CERS6: variants seen among roughly 807,000 people sequenced by gnomAD.
CERS6 encodes LAG1 homolog, ceramide synthase 6.
Under a neutral mutation model 56.8 loss-of-function variants are expected in CERS6, and 26 were observed. The ratio of observed to expected loss-of-function variants is 0.46; its 90% CI spans 0.34 to 0.63. CERS6 has a LOEUF of 0.63. Ranked by LOEUF, CERS6 falls within the 30% of genes least tolerant of loss-of-function variation. The probability of loss-of-function intolerance (pLI) is 0.01; values close to 1 mark genes in which losing one functional copy is unlikely to be tolerated. For synonymous variants in CERS6, 164 were observed against 173.3 expected (o/e 0.95, Z 0.42); for missense variants, 415 against 467.5 (o/e 0.89, Z 1.04).
chr2:168,616,956 C>A (rs374769695), intron 3 of CERS6, among the ~76,000 whole-genome samples: 4 of 152,150 alleles, frequency 2.6e-5, no homozygotes, highest in Non-Finnish European at 2.9e-5. Flanking sequence ...GCACATGGAA[C>A]CTTCTCCAAG....
intron 1 of CERS6, among the ~76,000 whole-genome samples, chr2:168,510,516 C>T (rs573251893): frequency 3.9e-5 from 6 of 152,152 alleles, no homozygotes; most frequent in Non-Finnish European, 8.8e-5. Context: ...CGATACCTTC[C>T]AGGTTTGTGT....
intron 3 of CERS6, among the ~76,000 whole-genome samples, chr2:168,599,941 T>TA (rs1001514479): frequency 2.0e-4 from 31 of 152,004 alleles, no homozygotes; most frequent in African/African-American, 7.3e-4. Context: ...CACCTGGGGG[T>TA]AAAATCTGAC....
chr2:168,730,141 A>G (rs6738607), intron 8 of CERS6, among the ~76,000 whole-genome samples: 8,857 of 152,302 alleles, frequency 0.058, 503 homozygotes, highest in East Asian at 0.15. Flanking sequence ...AGTAGCTTTC[A>G]AAAGCAGGAG....
rs1055060396 is a variant in CERS6 at position 168,520,944 on chromosome 2, G to A, written c.171-26652G>A. ...GAATTAAATACTGTAAATAAATTTT[G>A]GAAAGACTTCTATACTCTTCTCCTC... On this transcript the variant is annotated intron_variant, in intron 1 of 9. Transcript: ENST00000305747. Among the ~76,000 whole-genome samples, 10 of 152,040 alleles carry A rather than the reference G, an allele frequency of 6.6e-5. No individual in the cohort carries two copies. The South Asian group carries it at 2.1e-3, about 32-fold the overall frequency.
intron 4 of CERS6, among the ~76,000 whole-genome samples, chr2:168,635,898 T>A (rs1426263682): frequency 4.6e-5 from 7 of 152,214 alleles, no homozygotes; most frequent in Non-Finnish European, 8.8e-5. Flanking sequence ...TGTTCTCTTT[T>A]GTTTATTGCT....
intron 1 of CERS6, among the ~76,000 whole-genome samples, chr2:168,505,113 A>G (rs1264991420): frequency 6.6e-6 from 1 of 152,102 alleles, no homozygotes; most frequent in African/African-American, 2.4e-5. Flanking sequence ...GTGGTGGCTC[A>G]CGCCTGTAAT....
intron 6 of CERS6, among the ~76,000 whole-genome samples, chr2:168,704,597 C>T (rs926678092): frequency 1.3e-5 from 2 of 152,096 alleles, no homozygotes; most frequent in African/African-American, 4.8e-5. Context: ...CACCCTTGCA[C>T]CTTTGTTCTT....
At chr2:168,477,785 A>T (rs897456240) in intron 1 of CERS6, among the ~76,000 whole-genome samples, 20 of 152,230 alleles carry the variant, frequency 1.3e-4, no homozygotes, top group Non-Finnish European at 2.9e-4. Context: ...AGTATGATTG[A>T]ACTTGCAAAC....
Position 168,631,060 on chromosome 2 carries a change from AT to A in CERS6, c.465+22del. The stretch of plus-strand genomic sequence containing the variant: ...TGAAAAAGGTAGGATCTCTCAAACT[AT>A]TTTACATGATTCTTATGTAAGTGTA... On this transcript the variant is annotated intron_variant, in intron 4 of 9. Transcript: ENST00000305747. 1.5e-6 allele frequency: 2 copies of A among 1,302,910 alleles called. No homozygotes were observed. Among genetic ancestry groups the A allele is most frequent in the Non-Finnish European group, 2.2e-6 (2 of 926,960 alleles). 80.7% of individuals were successfully genotyped at this position (1,302,910 alleles called of 1,614,324 possible).
intron 3 of CERS6, among the ~76,000 whole-genome samples, chr2:168,579,347 A>G (rs925822957): frequency 1.1e-4 from 16 of 152,016 alleles, no homozygotes; most frequent in African/African-American, 3.6e-4. Flanking sequence ...AAGGTAATGT[A>G]TTTAATATGG....
intron 1 of CERS6, among the ~76,000 whole-genome samples, chr2:168,480,612 T>C (rs191991814): frequency 6.6e-6 from 1 of 152,270 alleles, no homozygotes; most frequent in African/African-American, 2.4e-5. Flanking sequence ...TATGTTTGCT[T>C]TAAGTGCATA....
At chr2:168,539,655 A>C (rs1248046060) in intron 1 of CERS6, among the ~76,000 whole-genome samples, 1 of 152,218 alleles carries the variant, frequency 6.6e-6, no homozygotes, top group African/African-American at 2.4e-5. Flanking sequence ...ATTAGCTTTC[A>C]AAATCAGTCT....
At chr2:168,616,305 A>C (rs1684315555) in intron 3 of CERS6, among the ~76,000 whole-genome samples, 1 of 152,160 alleles carries the variant, frequency 6.6e-6, no homozygotes, top group South Asian at 2.1e-4. Context: ...TAAAACAAAA[A>C]TACAATTTAG....
chr2:168,667,563 A>T (rs60909646), intron 4 of CERS6, among the ~76,000 whole-genome samples: 10,357 of 152,148 alleles, frequency 0.068, 429 homozygotes, highest in Non-Finnish European at 0.092. Context: ...TCTGTTGGCT[A>T]TTAGGCGGCT....
In CERS6 at chr2:168,598,778, A is replaced by T. The variant is rs919293919; in HGVS notation, c.408-32207A>T. 2.6e-5 allele frequency among the ~76,000 whole-genome samples: 4 copies of T among 152,316 alleles called. No homozygotes were observed. The South Asian group carries it at 8.3e-4, about 32-fold the overall frequency. ...TCTTAATTTGTTTAAAGTGGTGTCA[A>T]ATATTGCGGTGATACAACATAGAAC... On this transcript the variant is annotated intron_variant, in intron 3 of 9. Transcript: ENST00000305747.
chr2:168,590,163 G>A (rs1238269824), intron 3 of CERS6, among the ~76,000 whole-genome samples: 1 of 152,222 alleles, frequency 6.6e-6, no homozygotes, highest in African/African-American at 2.4e-5. Flanking sequence ...AGATTACCAA[G>A]TGTGTTCTTG....
intron 4 of CERS6, among the ~76,000 whole-genome samples, chr2:168,640,330 A>G (rs1235519983): frequency 6.6e-6 from 1 of 152,240 alleles, no homozygotes; most frequent in African/African-American, 2.4e-5. Flanking sequence ...AAATGTGGGC[A>G]TAAAGCATTC....
intron 3 of CERS6, among the ~76,000 whole-genome samples, chr2:168,626,667 T>G (rs531861654): frequency 5.3e-5 from 8 of 152,164 alleles, no homozygotes; most frequent in Non-Finnish European, 1.0e-4. Context: ...TCTGTAGAAT[T>G]TGAGAGAGGG....
chr2:168,484,902 T>G (rs1320160373), intron 1 of CERS6, among the ~76,000 whole-genome samples: 2 of 152,204 alleles, frequency 1.3e-5, no homozygotes, highest in South Asian at 2.1e-4. Flanking sequence ...GAAATAACGC[T>G]TCATATTCTC....
Sources: gnomAD v4.1 joint callset for allele counts (sites outside exome capture counted in the v4.1 genomes callset) on GRCh38, gnomAD v4.1.1 for gene constraint, MANE v1.5 for transcripts, NCBI Gene and HGNC (gene_info 2026-07-23, HGNC 2026-07-21) for gene names.